Variants in LNPEP observed in about 807,000 individuals in gnomAD.
LNPEP encodes leucyl and cystinyl aminopeptidase, also known as leucyl-cystinyl aminopeptidase.
LNPEP carries 64 observed loss-of-function variants against 120.6 expected under a neutral mutation model. That is an observed-to-expected ratio of 0.53 (90% confidence interval 0.43 to 0.65). The LOEUF (loss-of-function observed/expected upper bound fraction) is 0.65, where lower values mean the gene tolerates loss of function less well. Ranked by LOEUF, LNPEP falls within the 30% of genes least tolerant of loss-of-function variation. The pLI, the probability that LNPEP is intolerant of heterozygous loss-of-function variation, is 0.00. For missense variants in LNPEP, 1,057 were observed against 1,200.0 expected, an observed-to-expected ratio of 0.88 and a Z score of 1.76; for synonymous variants, 435 against 425.4, an observed-to-expected ratio of 1.02 and a Z score of -0.28.
At position 97,024,592 on chromosome 5, in the gene LNPEP, T is replaced by G; in HGVS notation, c.2633T>G (p.Leu878Trp). The change falls in exon 15 of 18, where the codon TTG becomes TGG. Residue 878 changes from leucine (L) to tryptophan (W), a missense_variant. Coordinates refer to ENST00000231368, the MANE Select transcript of LNPEP (RefSeq NM_005575.3). ...AKTDKGWSFLLGKYISIGSEA... is the reference protein window; with the variant it reads ...AKTDKGWSFLWGKYISIGSEA... ...ACTGACAAAGGCTGGTCATTCCTTT[T>G]GGGCAAATACATTTCTATAGGCTCT... The G allele has an allele frequency of 6.2e-7, 1 of 1,614,130 alleles. No homozygotes were observed. Among genetic ancestry groups the G allele is most frequent in the Non-Finnish European group, 8.5e-7 (1 of 1,179,972 alleles).
intron 4 of LNPEP, 131 bp downstream of exon 4, chr5:96,986,801 A>G: frequency 1.2e-6 from 1 of 800,090 alleles, no homozygotes; most frequent in Non-Finnish European, 2.0e-6. Flanking sequence ...ATTTTATACC[A>G]GAAATGCTAC....
intron 12 of LNPEP, among the ~76,000 whole-genome samples, chr5:97,014,660 T>C (rs974538999): frequency 6.6e-6 from 1 of 152,182 alleles, no homozygotes; most frequent in Admixed American, 6.6e-5. Flanking sequence ...TAACCCAAGA[T>C]ATTATACTTT....
intron 11 of LNPEP, among the ~76,000 whole-genome samples, chr5:97,008,202 C>T (rs1790831836): frequency 6.6e-6 from 1 of 151,972 alleles, no homozygotes; most frequent in Non-Finnish European, 1.5e-5. Flanking sequence ...TTGCAAGAAA[C>T]TAATAAGGAA....
rs1336960543 is a variant in LNPEP, at chr5:96,979,757, T to TCATA, written c.640_643dup (p.Asn215ThrfsTer2). The TCATA allele has an allele frequency of 2.5e-6, 4 of 1,613,888 alleles. No individual in the cohort carries two copies. The highest frequency in any genetic ancestry group is 1.3e-5 in the African/African-American group (1 of 74,896). On this transcript the variant is annotated frameshift_variant, in exon 2 of 18. Transcript: ENST00000231368. LOFTEE classifies it high-confidence loss of function. ...GGAATATCATTCTTCATAGCACAGG[T>TCATA]CATAATATTTCAAGAGTGACCTTTA...
At chr5:96,984,439 G>C (rs1427129093) in intron 2 of LNPEP, among the ~76,000 whole-genome samples, 1 of 152,126 alleles carries the variant, frequency 6.6e-6, no homozygotes, top group East Asian at 1.9e-4. Context: ...GTTGTCTCCT[G>C]CTAAATCACG....
At chr5:96,994,076 TGCC>T in intron 6 of LNPEP, 105 bp downstream of exon 6, 2 of 871,838 alleles carry the variant, frequency 2.3e-6, no homozygotes, top group Non-Finnish European at 3.5e-6. Flanking sequence ...TTTTAAGCAT[TGCC>T]TTCTTTTATA....
At chr5:96,980,302 G>C (rs550247649) in intron 2 of LNPEP, among the ~76,000 whole-genome samples, 2 of 152,110 alleles carry the variant, frequency 1.3e-5, no homozygotes, top group Admixed American at 1.3e-4. Context: ...TTGGGAAGCA[G>C]AGTAAAGAGG....
chr5:97,003,388 C>A (rs759226113), intron 8 of LNPEP, 27 bp from the exon 9 acceptor site: 27 of 1,294,844 alleles, frequency 2.1e-5, no homozygotes, highest in Non-Finnish European at 2.6e-5. Flanking sequence ...TATTTTCTTT[C>A]TTTTTCCTCA....
At chr5:96,945,872 G>T (rs1164553490) in intron 1 of LNPEP, among the ~76,000 whole-genome samples, 1 of 152,204 alleles carries the variant, frequency 6.6e-6, no homozygotes, top group Non-Finnish European at 1.5e-5. Context: ...ATAGAGATTA[G>T]TGGGAATGAT....
At chr5:96,954,768 A>ATT (rs1581981619) in intron 1 of LNPEP, among the ~76,000 whole-genome samples, 1 of 36,092 alleles carries the variant, frequency 2.8e-5, no homozygotes, top group African/African-American at 1.0e-4. Context: ...ATATATATAT[A>ATT]TATATTTTTT....
chr5:96,985,511 G>T (rs1221972107), intron 3 of LNPEP, among the ~76,000 whole-genome samples: 1 of 152,110 alleles, frequency 6.6e-6, no homozygotes, highest in East Asian at 1.9e-4. Flanking sequence ...ACTAGCAAAA[G>T]ATTAGAGTAA....
At chr5:96,987,023 A>T (rs1790259050) in intron 4 of LNPEP, among the ~76,000 whole-genome samples, 1 of 152,212 alleles carries the variant, frequency 6.6e-6, no homozygotes, top group Non-Finnish European at 1.5e-5. Context: ...TCACTTCCTC[A>T]GTCTCACTAA....
chr5:96,944,559 G>GTTTTTTTTTTTTTTTTTTTTTTTTTT (rs1491162241), intron 1 of LNPEP, among the ~76,000 whole-genome samples: 1 of 76,790 alleles, frequency 1.3e-5, no homozygotes, highest in Non-Finnish European at 2.8e-5. Flanking sequence ...TCTTATTTTT[G>GTTTTTTTTTTTTTTTTTTTTTTTTTT]CTTTTTTTTT....
chr5:97,009,747 T>A (rs932529288), intron 11 of LNPEP, among the ~76,000 whole-genome samples: 2 of 152,368 alleles, frequency 1.3e-5, no homozygotes, highest in African/African-American at 2.4e-5. Flanking sequence ...TGAAAACTTC[T>A]GTCCTTACGT....
Position 96,998,041 on chromosome 5 carries a change from A to G in LNPEP, c.1549A>G (p.Lys517Glu), listed in dbSNP as rs755113348. ...TGAAGATTTCTTAGATGCTCGATTT[A>G]AAACCATGAAGAAAGATTCCTTAAA... ...SYEDFLDARF[K>E]TMKKDSLNSS... is the part of the protein sequence containing the mutation. Residue 517 changes from lysine to glutamate, a missense_variant, in exon 8 of 18, where the codon AAA becomes GAA. Lys to Glu is a moderately conservative substitution (Grantham distance 56, BLOSUM62 1). Transcript: ENST00000231368. 6.3e-7 allele frequency: 1 copy of G among 1,581,756 alleles called. No homozygotes were observed. The highest frequency in any genetic ancestry group is 1.1e-5 in the South Asian group (1 of 88,304).
chr5:96,946,058 T>C (rs1468508521), intron 1 of LNPEP, among the ~76,000 whole-genome samples: 5 of 152,206 alleles, frequency 3.3e-5, no homozygotes, highest in Admixed American at 3.3e-4. Flanking sequence ...CCATGACACT[T>C]GAGTCTTGGT....
intron 1 of LNPEP, among the ~76,000 whole-genome samples, chr5:96,952,146 A>G (rs1435959394): frequency 6.6e-6 from 1 of 152,210 alleles, no homozygotes; most frequent in African/African-American, 2.4e-5. Context: ...AAATTTAAAA[A>G]AAAGAGAATT....
intron 6 of LNPEP, among the ~76,000 whole-genome samples, chr5:96,995,199 TTC>T (rs1790483991): frequency 6.6e-6 from 1 of 152,212 alleles, no homozygotes; most frequent in East Asian, 1.9e-4. Flanking sequence ...TTGGGAGTAT[TTC>T]TCTGTTATTT....
At chr5:96,959,162 C>T (rs913346742) in intron 1 of LNPEP, among the ~76,000 whole-genome samples, 4 of 152,158 alleles carry the variant, frequency 2.6e-5, no homozygotes, top group African/African-American at 7.2e-5. Flanking sequence ...GGTCTGTAAC[C>T]GTGTCCCTAG....
Sources: gnomAD v4.1 joint callset for allele counts (sites outside exome capture counted in the v4.1 genomes callset) on GRCh38, gnomAD v4.1.1 for gene constraint, MANE v1.5 for transcripts, NCBI Gene and HGNC (gene_info 2026-07-23, HGNC 2026-07-21) for gene names.